SNX2: variants seen among roughly 807,000 people sequenced by gnomAD.
SNX2 encodes sorting nexin 2, also known as sorting nexin-2.
Under a neutral mutation model 69.9 loss-of-function variants are expected in SNX2, and 25 were observed. That is an observed-to-expected ratio of 0.36 (90% CI 0.26 to 0.50). The LOEUF is 0.50. SNX2 is among the 20% of genes least tolerant of loss of function. The pLI is 0.97. For synonymous variants in SNX2, 229 were observed against 200.4 expected (o/e 1.14, Z -1.20); for missense variants, 551 against 613.3 (o/e 0.90, Z 1.07).
chr5:122,790,919 G>T (rs1753219084), intron 1 of SNX2, among the ~76,000 whole-genome samples: 1 of 152,066 alleles, frequency 6.6e-6, no homozygotes, highest in African/African-American at 2.4e-5. Context: ...TGGTAAAAGG[G>T]GACAACCTTG....
chr5:122,808,341 A>T lies in SNX2; in HGVS notation c.708A>T (p.Arg236Ser). Residue 236 changes from arginine (R) to serine (S), a missense_variant, in exon 7 of 15, where the codon AGA becomes AGT. Arg to Ser is a moderately radical substitution (Grantham distance 110, BLOSUM62 -1). Coordinates refer to ENST00000379516, the MANE Select transcript of SNX2 (RefSeq NM_003100.4). ...CCACTGAGTTTGTAGAAAAACGGAG[A>T]GCAGCTCTTGAAAGGTAATTCTAGA... ...SSSTEFVEKR[R>S]AALERYLQRT... 6.2e-7 allele frequency: 1 copy of T among 1,610,108 alleles called. No homozygotes were observed. Among genetic ancestry groups the T allele is most frequent in the Non-Finnish European group, 8.5e-7 (1 of 1,177,784 alleles).
At chr5:122,828,107 G>T (rs1363200) in intron 14 of SNX2, 123,427 of 152,204 alleles carry the variant, frequency 0.81, 50,929 homozygotes, top group East Asian at 0.99. Context: ...GCAAGTGGCA[G>T]TTATCTCATT....
intron 2 of SNX2, among the ~76,000 whole-genome samples, chr5:122,799,302 A>G (rs1485108322): frequency 6.6e-6 from 1 of 152,184 alleles, no homozygotes; most frequent in Non-Finnish European, 1.5e-5. Context: ...CTTCCACCAT[A>G]AAATTTGTCT....
At chr5:122,824,216 AAAAG>A (rs1419100675) in intron 11 of SNX2, among the ~76,000 whole-genome samples, 4 of 151,780 alleles carry the variant, frequency 2.6e-5, no homozygotes, top group Admixed American at 2.6e-4. Context: ...AAAAAAAAAA[AAAAG>A]AAAATTGTAA....
At position 122,827,400 on chromosome 5, in the gene SNX2, G is replaced by A; in HGVS notation, c.1378G>A (p.Gly460Arg). The A allele has an allele frequency of 6.2e-7, 1 of 1,613,432 alleles. No homozygotes were observed. The highest frequency in any genetic ancestry group is 8.5e-7 in the Non-Finnish European group (1 of 1,179,570). The change falls in exon 13 of 15, where the codon GGG becomes AGG. Residue 460 changes from glycine to arginine, a missense_variant. By Grantham distance (125) the Gly-to-Arg change is moderately radical (BLOSUM62 -2). This residue lies in a region of SNX2 where 360 missense variants were observed against 450.4 expected (regional missense o/e 0.80). Transcript: ENST00000379516. ...TTAGTGGGAGGCGAAAGTGCAACAA[G>A]GGGAAAGAGATTTTGAACAGATATC... ...IREWEAKVQQ[G>R]ERDFEQISKT...
intron 1 of SNX2, among the ~76,000 whole-genome samples, chr5:122,793,311 C>G (rs1179553133): frequency 1.3e-5 from 2 of 152,062 alleles, no homozygotes; most frequent in Non-Finnish European, 2.9e-5. Context: ...TACTACTACA[C>G]AGAACAATAT....
upstream of SNX2, chr5:122,775,000 CGGCCGGGGGCGGGGAGGCT>C: frequency 1.7e-6 from 2 of 1,165,704 alleles, no homozygotes. Context: ...CTTGAGAGGC[CGGCCGGGGGCGGGGAGGCT>C]GGCGGGTCGG....
intron 10 of SNX2, among the ~76,000 whole-genome samples, chr5:122,818,199 G>C (rs1312066485): frequency 1.3e-5 from 2 of 152,008 alleles, no homozygotes. Flanking sequence ...GTAATTGTTA[G>C]TCATTGACAG....
At chr5:122,782,816 C>A (rs571702299) in intron 1 of SNX2, among the ~76,000 whole-genome samples, 1 of 152,104 alleles carries the variant, frequency 6.6e-6, no homozygotes. Flanking sequence ...GGATTACAGG[C>A]GTGAGCTATT....
At chr5:122,775,709 A>C (rs1423776903) in intron 1 of SNX2, 1 of 985,734 alleles carries the variant, frequency 1.0e-6, no homozygotes, top group Non-Finnish European at 1.2e-6. Flanking sequence ...ATGGCCCTTC[A>C]CGGACTGCTG....
At chr5:122,777,335 A>G (rs1392260050) in intron 1 of SNX2, among the ~76,000 whole-genome samples, 3 of 152,182 alleles carry the variant, frequency 2.0e-5, no homozygotes, top group Non-Finnish European at 4.4e-5. Context: ...AGTATTCTGC[A>G]TTTTTAACAC....
intron 8 of SNX2, among the ~76,000 whole-genome samples, chr5:122,816,582 T>C (rs1307952049): frequency 3.3e-5 from 5 of 152,140 alleles, no homozygotes; most frequent in Non-Finnish European, 5.9e-5. Flanking sequence ...AAACGGTTTA[T>C]TTCTGTTAGC....
intron 1 of SNX2, 152 bp from the exon 2 acceptor site, chr5:122,795,114 A>T (rs180921825): frequency 1.7e-4 from 96 of 568,900 alleles, no homozygotes; most frequent in Non-Finnish European, 2.8e-4. Context: ...TTATTAGTTC[A>T]TTCTTACTCT....
chr5:122,821,335 T>C (rs538584215), intron 11 of SNX2, among the ~76,000 whole-genome samples: 107 of 152,224 alleles, frequency 7.0e-4, no homozygotes, highest in Non-Finnish European at 1.4e-3. Flanking sequence ...ATTCCTTCCA[T>C]CCCCTTCTCT....
chr5:122,795,847 A>T (rs1056000598), intron 2 of SNX2, among the ~76,000 whole-genome samples: 1 of 152,186 alleles, frequency 6.6e-6, no homozygotes, highest in Non-Finnish European at 1.5e-5. Flanking sequence ...GAATAAATTG[A>T]TGCTTAAGGA....
At chr5:122,813,172 G>A (rs112498595) in intron 7 of SNX2, among the ~76,000 whole-genome samples, 21 of 151,336 alleles carry the variant, frequency 1.4e-4, no homozygotes, top group South Asian at 8.3e-4. Flanking sequence ...TCTTTCCTTT[G>A]TATTACAACC....
At chr5:122,791,438 C>T (rs553482354) in intron 1 of SNX2, among the ~76,000 whole-genome samples, 9 of 152,198 alleles carry the variant, frequency 5.9e-5, no homozygotes, top group East Asian at 5.8e-4. Flanking sequence ...CCTGCCACCA[C>T]GCCCGGCTAA....
intron 12 of SNX2, 156 bp from the exon 13 acceptor site, chr5:122,827,223 A>C: frequency 3.3e-6 from 2 of 614,296 alleles, no homozygotes; most frequent in Non-Finnish European, 5.8e-6. Flanking sequence ...CTATTGGTTG[A>C]CAGTTAAATG....
At chr5:122,787,759 AC>A (rs1346161497) in intron 1 of SNX2, among the ~76,000 whole-genome samples, 1 of 152,096 alleles carries the variant, frequency 6.6e-6, no homozygotes, top group Non-Finnish European at 1.5e-5. Flanking sequence ...TGTTATATAA[AC>A]ATGTTTGTTT....
Sources: gnomAD v4.1 joint callset for allele counts (sites outside exome capture counted in the v4.1 genomes callset) on GRCh38, gnomAD v4.1.1 for gene constraint, gnomAD v4.1.1 regional missense constraint, MANE v1.5 for transcripts, NCBI Gene and HGNC (gene_info 2026-07-23, HGNC 2026-07-21) for gene names.